PTPRD: variants seen among roughly 807,000 people sequenced by gnomAD.
PTPRD encodes the protein protein tyrosine phosphatase receptor type D, also known as receptor-type tyrosine-protein phosphatase delta.
A neutral mutation model predicts 214.5 loss-of-function variants in PTPRD; 34 were observed. That is an observed-to-expected ratio of 0.16 (90% CI 0.12 to 0.21). The LOEUF is 0.21. Ranked by LOEUF, PTPRD falls within the 10% of genes least tolerant of loss-of-function variation. PTPRD has a pLI of 1.00. For synonymous variants in PTPRD, 1,128 were observed against 845.7 expected, an observed-to-expected ratio of 1.33 and a Z score of -5.79; for missense variants, 2,545 against 2,398.7, an observed-to-expected ratio of 1.06 and a Z score of -1.27.
rs756349446 is a variant in PTPRD, at chr9:8,449,198, T to C, written c.3988+527A>G. On this transcript the variant is annotated intron_variant, in intron 34 of 45. Coordinates refer to ENST00000381196, the MANE Select transcript of PTPRD (RefSeq NM_002839.4). ...CTCTCTAGTAAGAAGCCTGAAGTGA[T>C]CAGTGAAATTTAGTATAGGTAATAT... Among the ~76,000 whole-genome samples the C allele has an allele frequency of 1.1e-4, 16 of 152,180 alleles. No homozygotes were observed. In the South Asian group the frequency reaches 1.9e-3, roughly 18 times the overall value.
chr9:10,123,398 T>A (rs759742382), intron 3 of PTPRD, among the ~76,000 whole-genome samples: 2 of 152,244 alleles, frequency 1.3e-5, no homozygotes, highest in Non-Finnish European at 2.9e-5. Context: ...CAGTCATCTC[T>A]ATGAAGTCTT....
chr9:8,457,741 C>A (rs2096258089), intron 33 of PTPRD, among the ~76,000 whole-genome samples: 1 of 152,016 alleles, frequency 6.6e-6, no homozygotes, highest in Non-Finnish European at 1.5e-5. Context: ...GTTTTATTCT[C>A]ATTCTCTTCT....
At chr9:8,566,085 T>C (rs940093160) in intron 14 of PTPRD, among the ~76,000 whole-genome samples, 9 of 143,232 alleles carry the variant, frequency 6.3e-5, no homozygotes, top group Admixed American at 2.9e-4. Context: ...AAAAGATATA[T>C]ACTGAATGCA....
At chr9:10,081,770 T>G (rs905832778) in intron 3 of PTPRD, among the ~76,000 whole-genome samples, 4 of 152,108 alleles carry the variant, frequency 2.6e-5, no homozygotes, top group South Asian at 2.1e-4. Context: ...GTTTTGGTGT[T>G]GCAAATAGAT....
intron 27 of PTPRD, among the ~76,000 whole-genome samples, chr9:8,487,376 T>C (rs1254804077): frequency 6.6e-6 from 1 of 152,162 alleles, no homozygotes; most frequent in Admixed American, 6.5e-5. Flanking sequence ...ATTATTGGAA[T>C]CCACAGTGAA....
chr9:10,208,236 G>A (rs1352854326), intron 3 of PTPRD, among the ~76,000 whole-genome samples: 5 of 151,742 alleles, frequency 3.3e-5, no homozygotes, highest in Middle Eastern at 3.2e-3. Context: ...AAACCGCGGC[G>A]GGGCGCGGTG....
chr9:9,441,408 T>A (rs1365187312), intron 8 of PTPRD, among the ~76,000 whole-genome samples: 1 of 152,144 alleles, frequency 6.6e-6, no homozygotes, highest in Non-Finnish European at 1.5e-5. Context: ...AAAAAGTATG[T>A]CTGAAATTCT....
At chr9:9,071,224 T>A (rs1383304898) in intron 10 of PTPRD, among the ~76,000 whole-genome samples, 4 of 152,208 alleles carry the variant, frequency 2.6e-5, no homozygotes, top group South Asian at 2.1e-4. Flanking sequence ...CCTGAACTTT[T>A]ATATTCATTC....
intron 11 of PTPRD, among the ~76,000 whole-genome samples, chr9:8,943,880 CA>C (rs1343996634): frequency 1.3e-5 from 2 of 151,326 alleles, no homozygotes; most frequent in Non-Finnish European, 3.0e-5. Flanking sequence ...CACAAGCAAC[CA>C]AAACAAAAAA....
chr9:8,935,637 G>C (rs918220234), intron 11 of PTPRD, among the ~76,000 whole-genome samples: 1 of 152,150 alleles, frequency 6.6e-6, no homozygotes, highest in Non-Finnish European at 1.5e-5. Context: ...AGCCCTGGAG[G>C]AGAAGGCATC....
chr9:8,978,490 T>A (rs1169089259), intron 11 of PTPRD, among the ~76,000 whole-genome samples: 1 of 152,144 alleles, frequency 6.6e-6, no homozygotes, highest in Non-Finnish European at 1.5e-5. Context: ...TCAGCATTAT[T>A]AGGGTGCCTC....
chr9:10,376,512 T>A (rs950707092), intron 2 of PTPRD, among the ~76,000 whole-genome samples: 10 of 151,624 alleles, frequency 6.6e-5, no homozygotes, highest in African/African-American at 1.9e-4. Context: ...GAAACATAAT[T>A]CGTTACTTGC....
chr9:9,597,058 A>G (rs1332513063), intron 7 of PTPRD, among the ~76,000 whole-genome samples: 1 of 152,052 alleles, frequency 6.6e-6, no homozygotes, highest in Non-Finnish European at 1.5e-5. Flanking sequence ...AGCTGCAGGT[A>G]AGAAGTTCCC....
At chr9:8,620,714 A>C (rs1564771860) in intron 14 of PTPRD, among the ~76,000 whole-genome samples, 2 of 152,036 alleles carry the variant, frequency 1.3e-5, no homozygotes, top group South Asian at 2.1e-4. Context: ...TATGTTAAAC[A>C]GTAAAGGAAA....
At chr9:9,929,798 G>A (rs757058654) in intron 5 of PTPRD, among the ~76,000 whole-genome samples, 3 of 151,592 alleles carry the variant, frequency 2.0e-5, no homozygotes, top group African/African-American at 7.3e-5. Context: ...GTTACATAGA[G>A]CTATGTGATG....
chr9:9,614,743 C>T (rs1312582248), intron 7 of PTPRD, among the ~76,000 whole-genome samples: 2 of 152,086 alleles, frequency 1.3e-5, no homozygotes, highest in African/African-American at 4.8e-5. Flanking sequence ...CCTATATATG[C>T]CAATTTTTCA....
intron 10 of PTPRD, among the ~76,000 whole-genome samples, chr9:9,110,115 G>A (rs1029529997): frequency 7.9e-5 from 12 of 152,034 alleles, no homozygotes; most frequent in African/African-American, 2.7e-4. Context: ...AAAAGGAATC[G>A]TATTGTAGTC....
intron 11 of PTPRD, among the ~76,000 whole-genome samples, chr9:8,908,766 T>TA (rs1203765722): frequency 6.6e-6 from 1 of 151,274 alleles, no homozygotes; most frequent in Non-Finnish European, 1.5e-5. Context: ...TAAAGAAATA[T>TA]AAAAATAATA....
chr9:9,189,056 T>C (rs2099933478), intron 9 of PTPRD, among the ~76,000 whole-genome samples: 1 of 152,092 alleles, frequency 6.6e-6, no homozygotes. Context: ...TTGTAATCCA[T>C]TTTGAACATG....
Sources: gnomAD v4.1 joint callset for allele counts (sites outside exome capture counted in the v4.1 genomes callset) on GRCh38, gnomAD v4.1.1 for gene constraint, MANE v1.5 for transcripts, NCBI Gene and HGNC (gene_info 2026-07-23, HGNC 2026-07-21) for gene names.